Variants in CUBN observed in about 807,000 individuals in gnomAD.
CUBN encodes the protein 460 kDa receptor.
CUBN carries 282 observed loss-of-function variants against 405.3 expected under a neutral mutation model. The observed-to-expected ratio is 0.70, with a 90% CI of 0.63 to 0.77. CUBN has a LOEUF of 0.77. Among genes scored for constraint, CUBN ranks in the 30% least tolerant of loss-of-function variants. The pLI is 0.00. For missense variants in CUBN, 4,514 were observed against 4,475.2 expected, an observed-to-expected ratio of 1.01 and a Z score of -0.25; for synonymous variants, 1,684 against 1,617.0, an observed-to-expected ratio of 1.04 and a Z score of -0.99.
chr10:16,845,184 T>G (rs558864394), intron 60 of CUBN, among the ~76,000 whole-genome samples: 1 of 152,378 alleles, frequency 6.6e-6, no homozygotes, highest in East Asian at 1.9e-4. Flanking sequence ...AAGAAAATTT[T>G]TGGATTTTAA....
chr10:17,018,456 C>T lies in CUBN; in HGVS notation c.4168+1377G>A, dbSNP rs180677390. Reference sequence around the variant, plus strand: ...AGATGCGTCCACAGTTTTTTCCTTCCGGTGGGTTCATGGTCTCGCTGACTT... The same window carrying T: ...AGATGCGTCCACAGTTTTTTCCTTCTGGTGGGTTCATGGTCTCGCTGACTT... On this transcript the variant is annotated intron_variant, in intron 28 of 66. Coordinates refer to ENST00000377833, the MANE Select transcript of CUBN (RefSeq NM_001081.4). Among the ~76,000 whole-genome samples, 385 of 152,188 alleles carry T rather than the reference C, an allele frequency of 2.5e-3. 1 individual carries two copies. Among genetic ancestry groups the T allele is most frequent in the South Asian group, 0.012 (58 of 4,826 alleles).
Position 16,888,448 on chromosome 10 carries a change from G to C in CUBN, c.8874C>G (p.Val2958=), listed in dbSNP as rs763368350. 1 of 1,613,394 alleles carries C rather than the reference G, an allele frequency of 6.2e-7. No homozygotes were observed. Among genetic ancestry groups the C allele is most frequent in the East Asian group, 2.2e-5 (1 of 44,810 alleles). Residue 2958 remains valine, a synonymous_variant, in exon 56 of 67, where the codon GTC becomes GTG. Transcript: ENST00000377833. ...AGTGGAAGGACACAAAAGTCAAGAGGACCACTGACAGAGGATTAGCCTCTA... is the reference window on the plus strand; with the variant it reads ...AGTGGAAGGACACAAAAGTCAAGAGCACCACTGACAGAGGATTAGCCTCTA... ...YVIEANPLSV[V]LLTFVSFHLE...
intron 17 of CUBN, among the ~76,000 whole-genome samples, chr10:17,079,980 A>C (rs1026157478): frequency 3.3e-5 from 5 of 152,150 alleles, no homozygotes; most frequent in Non-Finnish European, 7.4e-5. Flanking sequence ...ATGCAGGGGA[A>C]GGTGGTGAAA....
intron 30 of CUBN, 97 bp from the exon 31 acceptor site, chr10:16,982,750 GA>G (rs1833311693): frequency 2.7e-6 from 3 of 1,107,132 alleles, no homozygotes; most frequent in African/African-American, 3.1e-5. Context: ...TACTTTGCTT[GA>G]ATCAGTTAGT....
intron 31 of CUBN, among the ~76,000 whole-genome samples, chr10:16,967,245 T>G (rs1707276): frequency 0.33 from 50,634 of 152,018 alleles, 8,732 homozygotes; most frequent in Middle Eastern, 0.45. Flanking sequence ...ATTTCTTTGT[T>G]CTACACTCTC....
Position 17,129,183 on chromosome 10 carries a change from T to G in CUBN, c.190A>C (p.Arg64=). Residue 64 remains arginine, a synonymous_variant, in exon 2 of 67, where the codon AGA becomes CGA. Transcript: ENST00000377833. Reference sequence around the variant, plus strand: ...TTAATTTTTCCCAGGGATCCGGTTCTAAACTCAATGTTTTGAGCAGACCCC... The same window carrying G: ...TTAATTTTTCCCAGGGATCCGGTTCGAAACTCAATGTTTTGAGCAGACCCC... ...LTGSAQNIEF[R]TGSLGKIKLN... 1 of 1,613,458 alleles carries G rather than the reference T, an allele frequency of 6.2e-7. No individual in the cohort carries two copies. Among genetic ancestry groups the G allele is most frequent in the African/African-American group, 1.3e-5 (1 of 75,044 alleles).
Position 17,057,220 on chromosome 10 carries a change from C to G in CUBN, c.3139+8288G>C, listed in dbSNP as rs184221006. Among the ~76,000 whole-genome samples, 515 of 152,260 alleles carry G rather than the reference C, an allele frequency of 3.4e-3. 6 individuals are homozygous for G. Among genetic ancestry groups the G allele is most frequent in the Middle Eastern group, 6.8e-3 (2 of 294 alleles). On this transcript the variant is annotated intron_variant, in intron 22 of 66. Coordinates refer to ENST00000377833, the MANE Select transcript of CUBN (RefSeq NM_001081.4). ...CAGCTCCGTGACTGCTCCTGCAGAGCAGGGCTACCCCATAGGCAACGTGTT... is the reference window on the plus strand; with the variant it reads ...CAGCTCCGTGACTGCTCCTGCAGAGGAGGGCTACCCCATAGGCAACGTGTT...
intron 39 of CUBN, among the ~76,000 whole-genome samples, chr10:16,933,651 A>G (rs1387918569): frequency 4.6e-5 from 7 of 151,900 alleles, no homozygotes; most frequent in African/African-American, 9.7e-5. Context: ...ATTTTTGCGT[A>G]GTTACTTTTG....
chr10:16,919,059 G>T (rs1391374947), intron 44 of CUBN, among the ~76,000 whole-genome samples: 1 of 152,086 alleles, frequency 6.6e-6, no homozygotes, highest in African/African-American at 2.4e-5. Context: ...TCCATATTCT[G>T]TATTGGTTTT....
intron 26 of CUBN, among the ~76,000 whole-genome samples, chr10:17,043,079 T>C (rs1265198608): frequency 6.6e-6 from 1 of 152,190 alleles, no homozygotes; most frequent in East Asian, 1.9e-4. Flanking sequence ...TCAAAAAGCA[T>C]TTAATTCTAG....
chr10:17,022,602 C>T (rs1006300024), intron 27 of CUBN, among the ~76,000 whole-genome samples: 3 of 152,172 alleles, frequency 2.0e-5, no homozygotes, highest in Non-Finnish European at 2.9e-5. Context: ...CTCCTGCAGG[C>T]GGAGAAACCG....
chr10:16,837,898 C>G (rs150519321), intron 62 of CUBN, among the ~76,000 whole-genome samples: 1 of 152,162 alleles, frequency 6.6e-6, no homozygotes, highest in African/African-American at 2.4e-5. Context: ...ATGTTTCAGA[C>G]GGTGTCTCGT....
At position 16,928,519 on chromosome 10, in the gene CUBN, ACCCCACC is replaced by A. The variant is rs1394697208; in HGVS notation, c.6125-223_6125-217del. 4.6e-3 allele frequency among the ~76,000 whole-genome samples: 384 copies of A among 84,068 alleles called. 5 individuals carry two copies. Among genetic ancestry groups the A allele is most frequent in the African/African-American group, 0.016 (370 of 22,768 alleles). The allele number at this position is 84,068 out of a possible 152,430, so 55.2% of individuals were successfully genotyped here. A position where few individuals can be genotyped will look rare whatever the true frequency, so the allele number is the denominator to read the frequency against. ...CTGCCCTTTTCTTTACCCCCACCCCACCCCACCCCCCCCTTTTTTTTTTTTTTTGAGA... is the reference window on the plus strand; with the variant it reads ...CTGCCCTTTTCTTTACCCCCACCCCACCCCCCTTTTTTTTTTTTTTTGAGA... On this transcript the variant is annotated intron_variant, in intron 40 of 66. Transcript: ENST00000377833.
chr10:17,112,184 A>G (rs1836786741), intron 8 of CUBN, among the ~76,000 whole-genome samples: 1 of 152,176 alleles, frequency 6.6e-6, no homozygotes, highest in African/African-American at 2.4e-5. Context: ...AGATTTAAAA[A>G]TATTCATATT....
At chr10:16,961,460 C>T (rs1292051860) in intron 31 of CUBN, among the ~76,000 whole-genome samples, 1 of 152,168 alleles carries the variant, frequency 6.6e-6, no homozygotes, top group East Asian at 1.9e-4. Flanking sequence ...TGTCACATGT[C>T]AAGTGACACA....
intron 48 of CUBN, among the ~76,000 whole-genome samples, chr10:16,911,163 G>A (rs1263375968): frequency 6.6e-5 from 10 of 152,118 alleles, no homozygotes; most frequent in African/African-American, 1.7e-4. Flanking sequence ...GGGTGTGGAC[G>A]AATTGGTGAT....
chr10:17,068,543 A>G lies in CUBN; in HGVS notation c.2791+62T>C, dbSNP rs963940404. Reference sequence around the variant, plus strand: ...GATGATTTTCATATAATTTATTTCTATCATTCACTTATTCTGATACAAGCC... The same window carrying G: ...GATGATTTTCATATAATTTATTTCTGTCATTCACTTATTCTGATACAAGCC... On this transcript the variant is annotated intron_variant, in intron 20 of 66. Transcript: ENST00000377833. 1.2e-5 allele frequency: 16 copies of G among 1,360,634 alleles called. No homozygotes were observed. The Admixed American group carries it at 1.7e-4, about 14-fold the overall frequency. The allele number at this position is 1,360,634 out of a possible 1,614,324, so 84.3% of individuals were successfully genotyped here. A position where few individuals can be genotyped will look rare whatever the true frequency, so the allele number is the denominator to read the frequency against.
intron 65 of CUBN, among the ~76,000 whole-genome samples, chr10:16,830,082 TG>T (rs1838936874): frequency 6.6e-6 from 1 of 152,164 alleles, no homozygotes; most frequent in Non-Finnish European, 1.5e-5. Context: ...ATTACAGGCA[TG>T]TGCCACTACA....
intron 28 of CUBN, among the ~76,000 whole-genome samples, chr10:16,996,621 G>GTGT (rs1564469029): frequency 2.0e-5 from 3 of 151,930 alleles, no homozygotes; most frequent in Non-Finnish European, 2.9e-5. Flanking sequence ...GTATCTGTGT[G>GTGT]TTTTTAATAA....
Sources: gnomAD v4.1 joint callset for allele counts (sites outside exome capture counted in the v4.1 genomes callset) on GRCh38, gnomAD v4.1.1 for gene constraint, MANE v1.5 for transcripts, NCBI Gene and HGNC (gene_info 2026-07-23, HGNC 2026-07-21) for gene names.